XKR4: variants seen among roughly 807,000 people sequenced by gnomAD.
The protein encoded by XKR4 is XK related 4, also known as XK-related protein 4.
XKR4 carries 12 observed loss-of-function variants against 53.9 expected under a neutral mutation model. The ratio of observed to expected loss-of-function variants is 0.22; its 90% confidence interval spans 0.14 to 0.36. XKR4 has a LOEUF of 0.36. Among genes scored for constraint, XKR4 ranks in the 10% least tolerant of loss-of-function variants. XKR4 has a pLI of 1.00. For synonymous variants in XKR4, 354 were observed against 362.4 expected (o/e 0.98, Z 0.26); for missense variants, 799 against 859.5 (o/e 0.93, Z 0.88).
chr8:55,213,683 A>G (rs1479815651), intron 1 of XKR4, among the ~76,000 whole-genome samples: 1 of 152,174 alleles, frequency 6.6e-6, no homozygotes, highest in Non-Finnish European at 1.5e-5. Flanking sequence ...AGTTCCTCCC[A>G]AGGTAGTTCA....
At chr8:55,465,223 C>G (rs774046032) in intron 2 of XKR4, among the ~76,000 whole-genome samples, 1 of 152,158 alleles carries the variant, frequency 6.6e-6, no homozygotes, top group Non-Finnish European at 1.5e-5. Context: ...ATCATGCTAC[C>G]TGACTTCAAA....
intron 2 of XKR4, among the ~76,000 whole-genome samples, chr8:55,408,834 C>G (rs948585814): frequency 6.6e-6 from 1 of 152,066 alleles, no homozygotes; most frequent in Non-Finnish European, 1.5e-5. Context: ...TGGTGAAACC[C>G]TGTCCCTACC....
At chr8:55,376,928 C>A (rs2063029) in intron 2 of XKR4, among the ~76,000 whole-genome samples, 95,581 of 150,362 alleles carry the variant, frequency 0.64, 30,746 homozygotes, top group African/African-American at 0.73. Context: ...CCATACCCCT[C>A]TCCATACACA....
chr8:55,144,515 G>T (rs980305338), intron 1 of XKR4, among the ~76,000 whole-genome samples: 4 of 152,068 alleles, frequency 2.6e-5, no homozygotes, highest in African/African-American at 9.7e-5. Context: ...ATGGATTTTG[G>T]CCTAGTGCTG....
intron 1 of XKR4, among the ~76,000 whole-genome samples, chr8:55,304,734 C>A (rs925919877): frequency 1.8e-4 from 27 of 152,142 alleles, no homozygotes; most frequent in African/African-American, 6.5e-4. Context: ...TTGAATTGAT[C>A]CTTTACCATT....
chr8:55,393,052 A>T (rs1010783123), intron 2 of XKR4, among the ~76,000 whole-genome samples: 2 of 152,182 alleles, frequency 1.3e-5, no homozygotes, highest in Non-Finnish European at 2.9e-5. Context: ...TAGAATTAGA[A>T]GCATCATCAT....
chr8:55,267,485 A>G (rs1818624424), intron 1 of XKR4, among the ~76,000 whole-genome samples: 1 of 152,348 alleles, frequency 6.6e-6, no homozygotes, highest in African/African-American at 2.4e-5. Context: ...CTTAGTTGGC[A>G]TAATGCACAC....
chr8:55,205,556 A>G (rs1585937835), intron 1 of XKR4, among the ~76,000 whole-genome samples: 1 of 152,250 alleles, frequency 6.6e-6, no homozygotes, highest in South Asian at 2.1e-4. Context: ...AATGTTTCCT[A>G]TAACATCTTT....
chr8:55,504,379 ATT>A (rs61549013), intron 2 of XKR4, among the ~76,000 whole-genome samples: 9 of 141,066 alleles, frequency 6.4e-5, no homozygotes, highest in Non-Finnish European at 4.7e-5. Flanking sequence ...CACCTGGCTA[ATT>A]TTTTTTTTTT....
intron 2 of XKR4, among the ~76,000 whole-genome samples, chr8:55,458,334 A>G (rs1805600383): frequency 6.6e-6 from 1 of 152,234 alleles, no homozygotes; most frequent in Non-Finnish European, 1.5e-5. Context: ...GAGCAGGTGC[A>G]GAGGCTAGGA....
intron 1 of XKR4, among the ~76,000 whole-genome samples, chr8:55,198,288 T>C (rs993850025): frequency 6.6e-6 from 1 of 152,216 alleles, no homozygotes; most frequent in Non-Finnish European, 1.5e-5. Flanking sequence ...CTACTCAACC[T>C]GGGTAACTTG....
In XKR4 at chr8:55,429,013, T is replaced by C. The variant is rs144603840; in HGVS notation, c.1006+71136T>C. ...ACAAACTAGTAGGAATCAATTTCAA[T>C]ATAGCTACGTAATCAAGACCCTGTG... On this transcript the variant is annotated intron_variant, in intron 2 of 2. Transcript: ENST00000327381. Among the ~76,000 whole-genome samples, 246 of 152,296 alleles carry C rather than the reference T, an allele frequency of 1.6e-3. 4 individuals are homozygous for C. In the South Asian group the frequency reaches 0.039, roughly 24 times the overall value.
intron 1 of XKR4, among the ~76,000 whole-genome samples, chr8:55,175,108 C>T (rs1014114331): frequency 2.6e-5 from 4 of 152,176 alleles, no homozygotes; most frequent in Admixed American, 2.6e-4. Context: ...GCATTTGGCT[C>T]AGAGTACACC....
At chr8:55,360,233 A>T (rs993212669) in intron 2 of XKR4, among the ~76,000 whole-genome samples, 2 of 152,168 alleles carry the variant, frequency 1.3e-5, no homozygotes, top group African/African-American at 4.8e-5. Context: ...GACAGTAAAA[A>T]ACGACAGACC....
At chr8:55,137,843 A>T (rs1816652779) in intron 1 of XKR4, among the ~76,000 whole-genome samples, 1 of 152,154 alleles carries the variant, frequency 6.6e-6, no homozygotes, top group South Asian at 2.1e-4. Context: ...AAGTGCTAGG[A>T]TTACAGATGT....
chr8:55,450,791 G>A, intron 2 of XKR4: 1 of 529,754 alleles, frequency 1.9e-6, no homozygotes, highest in South Asian at 1.8e-5. Context: ...GAGAACAGCT[G>A]CACCAAGGAT....
chr8:55,112,460 A>G (rs540029226), intron 1 of XKR4, among the ~76,000 whole-genome samples: 1 of 151,578 alleles, frequency 6.6e-6, no homozygotes, highest in South Asian at 2.1e-4. Flanking sequence ...CCAATCTGAC[A>G]GATTTCATCC....
chr8:55,135,704 C>G, intron 1 of XKR4: 1 of 455,096 alleles, frequency 2.2e-6, no homozygotes, highest in Non-Finnish European at 4.4e-6. Context: ...CAGTTTATGC[C>G]CATTACACCT....
chr8:55,173,520 C>G (rs984666057), intron 1 of XKR4, among the ~76,000 whole-genome samples: 7 of 152,102 alleles, frequency 4.6e-5, no homozygotes, highest in Non-Finnish European at 1.0e-4. Context: ...TTGTGTTGTC[C>G]TCTATTCTCC....
Sources: gnomAD v4.1 joint callset for allele counts (sites outside exome capture counted in the v4.1 genomes callset) on GRCh38, gnomAD v4.1.1 for gene constraint, MANE v1.5 for transcripts, NCBI Gene and HGNC (gene_info 2026-07-23, HGNC 2026-07-21) for gene names.